The following UBAC2 variants were observed in gnomAD, a reference collection of about 807,000 sequenced individuals.
UBAC2 encodes the protein ubiquitin-associated domain-containing protein 2.
UBAC2 carries 26 observed loss-of-function variants against 44.0 expected under a neutral mutation model. That is an observed-to-expected ratio of 0.59 (90% confidence interval 0.43 to 0.82). UBAC2 has a LOEUF of 0.82. UBAC2 is among the 40% of genes least tolerant of loss of function. The pLI, the probability that UBAC2 is intolerant of heterozygous loss-of-function variation, is 0.00. For missense variants in UBAC2, 329 were observed against 419.4 expected (o/e 0.78, Z 1.88); for synonymous variants, 155 against 154.3 (o/e 1.00, Z -0.04).
intron 4 of UBAC2, among the ~76,000 whole-genome samples, chr13:99,273,555 A>G (rs1213536507): frequency 1.3e-5 from 2 of 152,124 alleles, no homozygotes; most frequent in Non-Finnish European, 2.9e-5. Flanking sequence ...AGGAAATGCT[A>G]TCTCTTGGTA....
chr13:99,252,488 G>A (rs931754071), intron 4 of UBAC2, among the ~76,000 whole-genome samples: 1 of 152,188 alleles, frequency 6.6e-6, no homozygotes, highest in African/African-American at 2.4e-5. Context: ...AGAAATTGTA[G>A]CTGACATGAT....
chr13:99,333,144 T>C (rs975864909), intron 6 of UBAC2, among the ~76,000 whole-genome samples: 2 of 152,168 alleles, frequency 1.3e-5, no homozygotes, highest in South Asian at 2.1e-4. Context: ...TTAAAAATAA[T>C]GTGTGAATGT....
intron 1 of UBAC2, among the ~76,000 whole-genome samples, chr13:99,237,382 TAAG>T (rs1416644735): frequency 6.6e-6 from 1 of 151,492 alleles, no homozygotes; most frequent in Non-Finnish European, 1.5e-5. Flanking sequence ...GTAAGTGAAA[TAAG>T]AACAAAAAGA....
rs1315562153 is a variant in UBAC2, at chr13:99,280,510, C to T, written c.390-33587C>T. On this transcript the variant is annotated intron_variant, in intron 4 of 8. Transcript: ENST00000403766. ...CCAGCCAGAGTTGGAATTAACCTCT[C>T]CTTCCTTCTTGCTCCCAGTTAACTT... 3.3e-5 allele frequency among the ~76,000 whole-genome samples: 5 copies of T among 152,336 alleles called. No individual in the cohort carries two copies. The East Asian group carries it at 9.6e-4, about 29-fold the overall frequency.
At chr13:99,256,723 A>AAT (rs1555324207) in intron 4 of UBAC2, among the ~76,000 whole-genome samples, 34 of 150,838 alleles carry the variant, frequency 2.3e-4, no homozygotes, top group Middle Eastern at 3.2e-3. Flanking sequence ...AAAAAAAAAA[A>AAT]CCGTCCATTT....
At chr13:99,341,634 A>G (rs1412743028) in intron 7 of UBAC2, among the ~76,000 whole-genome samples, 1 of 152,208 alleles carries the variant, frequency 6.6e-6, no homozygotes, top group Non-Finnish European at 1.5e-5. Context: ...CTCTGTAGGG[A>G]TGAGAGCTGA....
chr13:99,324,868 T>G (rs1238437938), intron 6 of UBAC2, among the ~76,000 whole-genome samples: 2 of 152,170 alleles, frequency 1.3e-5, no homozygotes, highest in African/African-American at 4.8e-5. Flanking sequence ...GCCAGAACAC[T>G]TGATTTTCTG....
At chr13:99,361,998 C>A (rs1210843426) in intron 7 of UBAC2, among the ~76,000 whole-genome samples, 2 of 152,060 alleles carry the variant, frequency 1.3e-5, no homozygotes, top group Non-Finnish European at 2.9e-5. Context: ...TGTAGCAAGA[C>A]CCTCATCCCC....
chr13:99,211,855 C>T (rs114871295), intron 1 of UBAC2, among the ~76,000 whole-genome samples: 287 of 152,322 alleles, frequency 1.9e-3, no homozygotes, highest in African/African-American at 6.7e-3. Flanking sequence ...GAAACTGCAT[C>T]ATTGTGTCCT....
intron 1 of UBAC2, among the ~76,000 whole-genome samples, chr13:99,220,454 G>A (rs893115415): frequency 6.6e-5 from 10 of 152,170 alleles, no homozygotes; most frequent in Non-Finnish European, 1.2e-4. Context: ...AGGATAATAC[G>A]TAGTCACCCA....
At chr13:99,371,211 C>T (rs1033680622) in intron 8 of UBAC2, among the ~76,000 whole-genome samples, 1 of 151,628 alleles carries the variant, frequency 6.6e-6, no homozygotes, top group African/African-American at 2.4e-5. Flanking sequence ...ATGACAACAG[C>T]GAGGTTACTT....
chr13:99,316,196 T>C (rs988274099), intron 5 of UBAC2, among the ~76,000 whole-genome samples: 1 of 152,124 alleles, frequency 6.6e-6, no homozygotes, highest in African/African-American at 2.4e-5. Flanking sequence ...ATTGCCTCCT[T>C]GATAAAATCT....
chr13:99,336,567 A>G (rs2138820405), intron 6 of UBAC2, among the ~76,000 whole-genome samples: 1 of 152,014 alleles, frequency 6.6e-6, no homozygotes, highest in Middle Eastern at 3.4e-3. Context: ...CTTCCCTCCC[A>G]ATTTACCCAT....
chr13:99,340,616 C>A, intron 7 of UBAC2, 51 bp downstream of exon 7: 2 of 1,572,570 alleles, frequency 1.3e-6, no homozygotes, highest in South Asian at 1.2e-5. Context: ...GTGGCCCAAG[C>A]AAATCTTTCC....
chr13:99,203,096 G>C (rs1251640933), intron 1 of UBAC2, among the ~76,000 whole-genome samples: 2 of 151,638 alleles, frequency 1.3e-5, no homozygotes, highest in Non-Finnish European at 2.9e-5. Flanking sequence ...GGAGTGCAGT[G>C]GTGGATCTCC....
intron 7 of UBAC2, among the ~76,000 whole-genome samples, chr13:99,344,901 C>A (rs536869673): frequency 5.8e-4 from 88 of 152,134 alleles, no homozygotes; most frequent in Non-Finnish European, 1.0e-3. Context: ...AGTTTGTGGC[C>A]AACTTCAGGG....
intron 7 of UBAC2, among the ~76,000 whole-genome samples, chr13:99,351,281 G>C (rs1381302730): frequency 6.6e-6 from 1 of 152,220 alleles, no homozygotes; most frequent in Admixed American, 6.5e-5. Flanking sequence ...AACCTTGATA[G>C]TTATTACTCG....
chr13:99,201,524 G>C, intron 1 of UBAC2: 1 of 1,614,116 alleles, frequency 6.2e-7, no homozygotes, highest in South Asian at 1.1e-5. Context: ...CAGCTGTGCT[G>C]CTGGATGTTG....
At chr13:99,347,693 G>A (rs937323299) in intron 7 of UBAC2, among the ~76,000 whole-genome samples, 2 of 151,358 alleles carry the variant, frequency 1.3e-5, no homozygotes, top group Non-Finnish European at 2.9e-5. Flanking sequence ...TGAGACCTAG[G>A]TGCTGACAGG....
Sources: allele counts gnomAD v4.1 joint callset (sites outside exome capture counted in the v4.1 genomes callset), GRCh38; gene constraint gnomAD v4.1.1; transcripts MANE v1.5; gene names NCBI Gene and HGNC (gene_info 2026-07-23, HGNC 2026-07-21).